NCALD: variants seen among roughly 807,000 people sequenced by gnomAD.
The protein encoded by NCALD is neurocalcin delta.
NCALD carries 10 observed loss-of-function variants against 18.6 expected under a neutral mutation model. The observed-to-expected ratio is 0.54, with a 90% confidence interval of 0.33 to 0.91. The LOEUF is 0.91. Among genes scored for constraint, NCALD ranks in the 40% least tolerant of loss-of-function variants. The pLI is 0.03. For synonymous variants in NCALD, 88 were observed against 87.4 expected, an observed-to-expected ratio of 1.01 and a Z score of -0.04; for missense variants, 184 against 247.6, an observed-to-expected ratio of 0.74 and a Z score of 1.72.
intron 2 of NCALD, among the ~76,000 whole-genome samples, chr8:101,987,615 C>A (rs1222812718): frequency 6.6e-6 from 1 of 152,166 alleles, no homozygotes; most frequent in African/African-American, 2.4e-5. Flanking sequence ...TTAAAAGCAA[C>A]TTAAATTACA....
chr8:102,026,991 C>T (rs895264854), intron 1 of NCALD, among the ~76,000 whole-genome samples: 14 of 152,190 alleles, frequency 9.2e-5, no homozygotes, highest in Non-Finnish European at 1.8e-4. Context: ...TCCTTTTAGC[C>T]ATGGCTGGAG....
intron 1 of NCALD, among the ~76,000 whole-genome samples, chr8:101,742,664 AT>A (rs60495170): frequency 1.2e-4 from 18 of 151,890 alleles, no homozygotes; most frequent in Admixed American, 2.0e-4. Context: ...GATTACAAGG[AT>A]TTTTTTTTAA....
chr8:102,106,466 T>TACACAC (rs398009101), intron 1 of NCALD, among the ~76,000 whole-genome samples: 39 of 139,106 alleles, frequency 2.8e-4, no homozygotes, highest in Admixed American at 7.7e-4. Flanking sequence ...TATATATATA[T>TACACAC]ACACACACAC....
chr8:101,734,725 C>T (rs1355869874), intron 1 of NCALD, among the ~76,000 whole-genome samples: 1 of 152,180 alleles, frequency 6.6e-6, no homozygotes, highest in Non-Finnish European at 1.5e-5. Flanking sequence ...CTGCAGGAAT[C>T]AATGCTTTGT....
At chr8:101,978,584 CATG>C (rs1416301211) in intron 2 of NCALD, among the ~76,000 whole-genome samples, 2 of 152,174 alleles carry the variant, frequency 1.3e-5, no homozygotes, top group Non-Finnish European at 2.9e-5. Context: ...GTCTCTACAC[CATG>C]ATGATATTTG....
intron 2 of NCALD, among the ~76,000 whole-genome samples, chr8:102,002,039 A>G (rs1821493439): frequency 6.6e-6 from 1 of 152,298 alleles, no homozygotes; most frequent in Admixed American, 6.5e-5. Flanking sequence ...TTAACCTTAA[A>G]TGTAAATGGG....
chr8:101,791,528 A>T (rs1443208821), upstream of NCALD, among the ~76,000 whole-genome samples: 1 of 152,188 alleles, frequency 6.6e-6, no homozygotes, highest in Non-Finnish European at 1.5e-5. Context: ...TGATGGAAAG[A>T]AAAATAAAAA....
At chr8:101,980,240 A>C (rs890512127) in intron 2 of NCALD, among the ~76,000 whole-genome samples, 2 of 152,192 alleles carry the variant, frequency 1.3e-5, no homozygotes, top group African/African-American at 4.8e-5. Context: ...CCACTCAACA[A>C]GGAAAAGTGG....
chr8:102,022,642 A>C (rs139013247), intron 1 of NCALD, among the ~76,000 whole-genome samples: 1 of 152,312 alleles, frequency 6.6e-6, no homozygotes, highest in African/African-American at 2.4e-5. Context: ...AGGTTCCAGC[A>C]GGAGCAAAGC....
chr8:101,801,643 C>CTTTTTTTTTTTTTTTTT (rs71268530), intron 4 of NCALD, among the ~76,000 whole-genome samples: 2 of 44,176 alleles, frequency 4.5e-5, no homozygotes, highest in African/African-American at 1.1e-4. Flanking sequence ...AGCACACTTA[C>CTTTTTTTTTTTTTTTTT]TTTTTTTTTT....
At position 102,084,548 on chromosome 8, in the gene NCALD, A is replaced by T. The variant is rs184934619; in HGVS notation, c.-210+39689T>A. 4.1e-3 allele frequency among the ~76,000 whole-genome samples: 619 copies of T among 152,230 alleles called. 4 individuals carry two copies. The highest frequency in any genetic ancestry group is 8.6e-3 in the Admixed American group (131 of 15,298). ...CAGGGTTTATGCCCCTTCTCCCCTG[A>T]TTCTTCCCTTGATGGGGTGTTGTCT... On this transcript the variant is annotated intron_variant, in intron 1 of 6. Transcript: ENST00000311028.
intron 2 of NCALD, among the ~76,000 whole-genome samples, chr8:101,987,495 C>T (rs566134112): frequency 1.3e-5 from 2 of 152,278 alleles, no homozygotes; most frequent in South Asian, 4.2e-4. Context: ...AAACAATGAA[C>T]TGGGCCACCT....
intron 1 of NCALD, among the ~76,000 whole-genome samples, chr8:102,108,764 T>C (rs975746851): frequency 6.6e-5 from 10 of 152,340 alleles, no homozygotes; most frequent in African/African-American, 2.2e-4. Context: ...ATAATAATAA[T>C]GCTCCTGGAA....
At chr8:102,079,069 A>G (rs1587034964) in intron 1 of NCALD, among the ~76,000 whole-genome samples, 1 of 152,214 alleles carries the variant, frequency 6.6e-6, no homozygotes, top group South Asian at 2.1e-4. Context: ...AACTCCTGCC[A>G]CTGGAGACCA....
At chr8:101,814,957 G>T (rs145701335) in intron 4 of NCALD, among the ~76,000 whole-genome samples, 2 of 152,100 alleles carry the variant, frequency 1.3e-5, no homozygotes, top group African/African-American at 4.8e-5. Flanking sequence ...AAACTTTGAT[G>T]AACAAAATCA....
At chr8:101,933,833 A>C (rs1332600128) in intron 2 of NCALD, among the ~76,000 whole-genome samples, 5 of 152,176 alleles carry the variant, frequency 3.3e-5, no homozygotes, top group Admixed American at 2.0e-4. Flanking sequence ...GGAGTTCAGG[A>C]CAGTGGTAGG....
chr8:101,996,988 A>T (rs776077017), intron 2 of NCALD, among the ~76,000 whole-genome samples: 24 of 152,252 alleles, frequency 1.6e-4, no homozygotes, highest in Non-Finnish European at 2.8e-4. Flanking sequence ...GATCAATAAG[A>T]GCAAGATAGG....
intron 1 of NCALD, among the ~76,000 whole-genome samples, chr8:102,028,099 A>G (rs1822526526): frequency 6.6e-6 from 1 of 152,268 alleles, no homozygotes; most frequent in Non-Finnish European, 1.5e-5. Flanking sequence ...AGGTGTAATA[A>G]TGATACTGTT....
chr8:101,994,025 T>C (rs1176844571), intron 2 of NCALD, among the ~76,000 whole-genome samples: 1 of 152,182 alleles, frequency 6.6e-6, no homozygotes, highest in Non-Finnish European at 1.5e-5. Context: ...TATGAGGAGG[T>C]AGACATTAAA....
Sources: gnomAD v4.1 joint callset for allele counts (sites outside exome capture counted in the v4.1 genomes callset) on GRCh38, gnomAD v4.1.1 for gene constraint, MANE v1.5 for transcripts, NCBI Gene and HGNC (gene_info 2026-07-23, HGNC 2026-07-21) for gene names.